Variants in SESTD1 observed in about 807,000 individuals in gnomAD.
SESTD1 encodes SEC14 domain and spectrin repeat-containing protein 1.
SESTD1 carries 43 observed loss-of-function variants against 101.7 expected under a neutral mutation model. The observed-to-expected ratio is 0.42, with a 90% CI of 0.33 to 0.55. SESTD1 has a LOEUF of 0.55. SESTD1 is among the 20% of genes least tolerant of loss of function. SESTD1 has a pLI of 0.07. For synonymous variants in SESTD1, 283 were observed against 286.8 expected (o/e 0.99, Z 0.13); for missense variants, 647 against 815.1 (o/e 0.79, Z 2.51).
chr2:179,213,154 A>T (rs1364311748), intron 1 of SESTD1, among the ~76,000 whole-genome samples: 1 of 135,372 alleles, frequency 7.4e-6, no homozygotes, highest in Non-Finnish European at 1.6e-5. Flanking sequence ...GACTGTAACA[A>T]ATTGACAGAA....
At chr2:179,240,970 CA>C (rs1208040293) in intron 1 of SESTD1, among the ~76,000 whole-genome samples, 4 of 149,156 alleles carry the variant, frequency 2.7e-5, no homozygotes, top group East Asian at 1.9e-4. Context: ...ATGTTTAAAA[CA>C]AAAAAAAAGA....
chr2:179,180,032 C>T (rs1355826037), intron 3 of SESTD1, among the ~76,000 whole-genome samples: 1 of 152,200 alleles, frequency 6.6e-6, no homozygotes, highest in Non-Finnish European at 1.5e-5. Flanking sequence ...TATCACCACT[C>T]TATCACTCTG....
At chr2:179,160,432 A>C (rs953609818) in intron 5 of SESTD1, among the ~76,000 whole-genome samples, 21 of 152,022 alleles carry the variant, frequency 1.4e-4, no homozygotes, top group African/African-American at 4.3e-4. Context: ...TAGAGCACAA[A>C]TATTTAAAAG....
rs1422581217 is a variant in SESTD1, at chr2:179,264,403, A to ACCG, written c.-26+93_-26+95dup. The ACCG allele has an allele frequency of 5.3e-3, 789 of 147,832 alleles. 6 individuals are homozygous for ACCG. Among genetic ancestry groups the ACCG allele is most frequent in the Middle Eastern group, 7.1e-3 (2 of 282 alleles). The allele number at this position is 147,832 out of a possible 1,614,324, so 9.2% of individuals were successfully genotyped here. ...GCAGGGGAAGAAAGCCGGGCCCGCT[A>ACCG]CCGCCGCCGCCGCCGACTGCACCGG... On this transcript the variant is annotated intron_variant, in intron 1 of 17. Transcript: ENST00000428443.
intron 1 of SESTD1, among the ~76,000 whole-genome samples, chr2:179,249,072 C>CAA (rs1287689869): frequency 6.8e-5 from 9 of 132,748 alleles, no homozygotes; most frequent in Admixed American, 4.3e-4. Context: ...GCCTGGGTGA[C>CAA]AGAGTGAGAT....
intron 1 of SESTD1, 126 bp from the exon 2 acceptor site, chr2:179,191,992 T>C: frequency 4.4e-6 from 3 of 675,306 alleles, no homozygotes; most frequent in Non-Finnish European, 7.6e-6. Context: ...AAGATAATTC[T>C]TTTTTTGTAG....
chr2:179,172,040 T>C (rs2045937660), intron 5 of SESTD1, 80 bp downstream of exon 5: 2 of 915,102 alleles, frequency 2.2e-6, no homozygotes, highest in South Asian at 1.7e-5. Context: ...TAGTAACCAA[T>C]GCTGAACGGT....
At chr2:179,147,463 G>C (rs996558200) in intron 7 of SESTD1, among the ~76,000 whole-genome samples, 4 of 151,744 alleles carry the variant, frequency 2.6e-5, no homozygotes, top group African/African-American at 9.7e-5. Context: ...CCAGGCTCAA[G>C]GGATTCTCCT....
intron 1 of SESTD1, among the ~76,000 whole-genome samples, chr2:179,242,354 T>C (rs995428663): frequency 2.0e-5 from 3 of 152,170 alleles, no homozygotes; most frequent in Non-Finnish European, 4.4e-5. Context: ...GTTCATGAAT[T>C]GGAAGAATCA....
At chr2:179,122,530 ATT>A (rs978937585) in intron 12 of SESTD1, among the ~76,000 whole-genome samples, 1 of 152,168 alleles carries the variant, frequency 6.6e-6, no homozygotes, top group African/African-American at 2.4e-5. Flanking sequence ...GAAAACTAAT[ATT>A]TTAAAAGAAA....
intron 10 of SESTD1, among the ~76,000 whole-genome samples, chr2:179,130,629 A>T (rs183620936): frequency 2.9e-4 from 44 of 152,106 alleles, no homozygotes; most frequent in African/African-American, 6.0e-4. Flanking sequence ...CATTTAAAAA[A>T]AATAATAAAA....
At position 179,211,865 on chromosome 2, in the gene SESTD1, G is replaced by A. The variant is rs1470271383; in HGVS notation, c.-25-19999C>T. On this transcript the variant is annotated intron_variant, in intron 1 of 17. Transcript: ENST00000428443. Reference sequence around the variant, plus strand: ...ACTCTGGGGACTCAGGGGGAAGGGTGGGAGGGGGATGAGAAATAAAAGACT... The same window carrying A: ...ACTCTGGGGACTCAGGGGGAAGGGTAGGAGGGGGATGAGAAATAAAAGACT... 3.8e-5 allele frequency among the ~76,000 whole-genome samples: 5 copies of A among 132,544 alleles called. 1 individual carries two copies. Among genetic ancestry groups the A allele is most frequent in the African/African-American group, 1.5e-4 (5 of 33,192 alleles). 87.0% of individuals were successfully genotyped at this position (132,544 alleles called of 152,430 possible).
At chr2:179,192,797 A>G (rs1304853274) in intron 1 of SESTD1, among the ~76,000 whole-genome samples, 1 of 152,172 alleles carries the variant, frequency 6.6e-6, no homozygotes, top group Admixed American at 6.5e-5. Flanking sequence ...ATCAGATTCA[A>G]TTCTATTATC....
intron 3 of SESTD1, among the ~76,000 whole-genome samples, chr2:179,179,914 C>T (rs1014629733): frequency 5.3e-5 from 8 of 152,318 alleles, no homozygotes; most frequent in East Asian, 1.9e-4. Context: ...TGCCTCAGGG[C>T]CTTTGCACTT....
chr2:179,187,645 C>T (rs2046253906), intron 2 of SESTD1, among the ~76,000 whole-genome samples: 1 of 151,886 alleles, frequency 6.6e-6, no homozygotes. Flanking sequence ...AACAAACAAA[C>T]AAAAAACAAG....
intron 1 of SESTD1, among the ~76,000 whole-genome samples, chr2:179,243,898 T>C (rs1441450169): frequency 6.6e-6 from 1 of 151,150 alleles, no homozygotes; most frequent in Non-Finnish European, 1.5e-5. Flanking sequence ...ACCCCATGAA[T>C]CTAAAATAAA....
chr2:179,184,128 G>A (rs11687139), intron 2 of SESTD1, among the ~76,000 whole-genome samples: 6 of 151,930 alleles, frequency 3.9e-5, no homozygotes, highest in African/African-American at 1.4e-4. Context: ...TTCCATGTAC[G>A]TTCAAGTCCC....
At chr2:179,257,036 C>CA (rs2047406876) in intron 1 of SESTD1, among the ~76,000 whole-genome samples, 1 of 152,000 alleles carries the variant, frequency 6.6e-6, no homozygotes, top group Non-Finnish European at 1.5e-5. Context: ...CAAACGCTAC[C>CA]ACCCAGCATC....
intron 1 of SESTD1, among the ~76,000 whole-genome samples, chr2:179,233,225 A>G (rs2047010994): frequency 6.6e-6 from 1 of 152,230 alleles, no homozygotes; most frequent in African/African-American, 2.4e-5. Flanking sequence ...GTAAGTAAAC[A>G]CTGAGTTCCA....
Sources: allele counts gnomAD v4.1 joint callset (sites outside exome capture counted in the v4.1 genomes callset), GRCh38; gene constraint gnomAD v4.1.1; transcripts MANE v1.5; gene names NCBI Gene and HGNC (gene_info 2026-07-23, HGNC 2026-07-21).